CDH13: variants seen among roughly 807,000 people sequenced by gnomAD.
The protein encoded by CDH13 is cadherin-13.
In CDH13, 24 loss-of-function variants were observed where a neutral mutation model predicts 63.8. The ratio of observed to expected loss-of-function variants is 0.38; its 90% confidence interval spans 0.27 to 0.53. CDH13 has a LOEUF of 0.53. CDH13 is among the 20% of genes least tolerant of loss of function. The pLI is 0.85. For synonymous variants in CDH13, 503 were observed against 355.3 expected, an observed-to-expected ratio of 1.42 and a Z score of -4.67; for missense variants, 1,049 against 903.1, an observed-to-expected ratio of 1.16 and a Z score of -2.07.
At chr16:83,787,305 G>GT (rs1379515271) in intron 13 of CDH13, among the ~76,000 whole-genome samples, 1 of 152,142 alleles carries the variant, frequency 6.6e-6, no homozygotes, top group African/African-American at 2.4e-5. Context: ...CATCTTTATT[G>GT]TTTGTTTGTT....
chr16:82,697,893 T>C (rs769854621), intron 1 of CDH13, among the ~76,000 whole-genome samples: 3 of 152,128 alleles, frequency 2.0e-5, no homozygotes, highest in Non-Finnish European at 2.9e-5. Context: ...AACTATACTG[T>C]TTATTGTTGC....
chr16:83,688,725 G>C (rs928876208), intron 10 of CDH13, among the ~76,000 whole-genome samples: 2 of 152,080 alleles, frequency 1.3e-5, no homozygotes, highest in Non-Finnish European at 2.9e-5. Context: ...AATTAAAGCG[G>C]TGTTGTTCCA....
At chr16:82,901,033 C>A (rs1260331653) in intron 2 of CDH13, among the ~76,000 whole-genome samples, 1 of 151,726 alleles carries the variant, frequency 6.6e-6, no homozygotes, top group Non-Finnish European at 1.5e-5. Flanking sequence ...AAGTTAATGC[C>A]CCTCATAAGG....
chr16:83,661,502 C>A (rs1017585504), intron 8 of CDH13, among the ~76,000 whole-genome samples: 1 of 147,966 alleles, frequency 6.8e-6, no homozygotes, highest in Non-Finnish European at 1.5e-5. Context: ...AAAAAAAAAT[C>A]TTGTTCTCAG....
chr16:83,392,977 T>C (rs1047070491), intron 6 of CDH13, among the ~76,000 whole-genome samples: 4 of 151,588 alleles, frequency 2.6e-5, no homozygotes, highest in African/African-American at 9.7e-5. Flanking sequence ...AGGGCATAGA[T>C]GGAGGGTGAT....
At chr16:82,751,400 C>A (rs1440839809) in intron 1 of CDH13, among the ~76,000 whole-genome samples, 2 of 152,134 alleles carry the variant, frequency 1.3e-5, no homozygotes, top group African/African-American at 2.4e-5. Flanking sequence ...AGCCCCACCT[C>A]CTCCTGCCTC....
At chr16:83,208,108 G>T (rs1487351382) in intron 4 of CDH13, among the ~76,000 whole-genome samples, 1 of 152,108 alleles carries the variant, frequency 6.6e-6, no homozygotes, top group Non-Finnish European at 1.5e-5. Flanking sequence ...GACAGCCCTA[G>T]GTGGCGTGAG....
intron 2 of CDH13, among the ~76,000 whole-genome samples, chr16:82,990,893 ATACATATGT>A: frequency 1.3e-5 from 2 of 152,324 alleles, no homozygotes; most frequent in East Asian, 3.9e-4. Flanking sequence ...ACCAAGGCTC[ATACATATGT>A]TGACTCAAGA....
intron 5 of CDH13, among the ~76,000 whole-genome samples, chr16:83,296,859 T>A (rs2089611264): frequency 6.6e-6 from 1 of 152,206 alleles, no homozygotes; most frequent in Non-Finnish European, 1.5e-5. Context: ...GGAGAAAGGG[T>A]GCTCTGTGTT....
chr16:83,322,959 C>T (rs1597743759), intron 5 of CDH13, among the ~76,000 whole-genome samples: 1 of 152,090 alleles, frequency 6.6e-6, no homozygotes, highest in Non-Finnish European at 1.5e-5. Context: ...AACCTGGCAT[C>T]CCCATGGAAC....
At chr16:83,743,168 A>G (rs1412467684) in intron 10 of CDH13, among the ~76,000 whole-genome samples, 2 of 152,198 alleles carry the variant, frequency 1.3e-5, no homozygotes, top group South Asian at 2.1e-4. Context: ...GATCGCTGCC[A>G]CTGCACTCCA....
At chr16:83,057,208 A>G (rs576509372) in intron 3 of CDH13, among the ~76,000 whole-genome samples, 1 of 152,228 alleles carries the variant, frequency 6.6e-6, no homozygotes, top group South Asian at 2.1e-4. Context: ...CTCGTGATCC[A>G]CCTGCCTGGG....
intron 2 of CDH13, among the ~76,000 whole-genome samples, chr16:82,896,276 A>ATTTTTTTT (rs59677448): frequency 0.018 from 1,604 of 87,694 alleles, 211 homozygotes; most frequent in African/African-American, 0.023. Context: ...TAGGATTAGG[A>ATTTTTTTT]TTTTTTTTTT....
chr16:83,072,152 A>G (rs1390649062), intron 3 of CDH13, among the ~76,000 whole-genome samples: 3 of 152,194 alleles, frequency 2.0e-5, no homozygotes, highest in Non-Finnish European at 2.9e-5. Flanking sequence ...GAAATTGTGC[A>G]TGTATTTTAC....
At position 83,125,479 on chromosome 16, in the gene CDH13, C is replaced by T. The variant is rs766166879; in HGVS notation, c.461C>T (p.Pro154Leu). 2 of 1,603,080 alleles carry T rather than the reference C, an allele frequency of 1.2e-6. No individual in the cohort carries two copies. Among genetic ancestry groups the T allele is most frequent in the Non-Finnish European group, 1.7e-6 (2 of 1,170,262 alleles). Residue 154 changes from proline (P) to leucine (L), a missense_variant, in exon 4 of 14, where the codon CCT (proline) becomes CTT (leucine). By Grantham distance (98) the Pro-to-Leu change is moderately conservative. Transcript: ENST00000567109. ...PILIPENQRQ[P>L]FPRDVGKVVD... Reference sequence around the variant, plus strand: ...TTAATTCCAGAGAATCAGAGACAGCCTTTCCCAAGAGATGTTGGCAAGGTA... The same window carrying T: ...TTAATTCCAGAGAATCAGAGACAGCTTTTCCCAAGAGATGTTGGCAAGGTA...
At chr16:82,759,898 C>T (rs909925235) in intron 1 of CDH13, among the ~76,000 whole-genome samples, 3 of 152,030 alleles carry the variant, frequency 2.0e-5, no homozygotes, top group South Asian at 2.1e-4. Context: ...TCTACCAAGC[C>T]CCAATCCACA....
At chr16:82,945,137 C>G (rs1247713133) in intron 2 of CDH13, among the ~76,000 whole-genome samples, 1 of 152,156 alleles carries the variant, frequency 6.6e-6, no homozygotes, top group Non-Finnish European at 1.5e-5. Flanking sequence ...AAAGACATTT[C>G]TCAAGTAGAA....
At chr16:82,677,828 G>T in intron 1 of CDH13, among the ~76,000 whole-genome samples, 1 of 151,536 alleles carries the variant, frequency 6.6e-6, no homozygotes, top group Non-Finnish European at 1.5e-5. Flanking sequence ...GTTTCAGTGG[G>T]TCCTGGTTAA....
At chr16:83,335,665 C>T (rs554616764) in intron 5 of CDH13, among the ~76,000 whole-genome samples, 1 of 152,264 alleles carries the variant, frequency 6.6e-6, no homozygotes, top group East Asian at 1.9e-4. Flanking sequence ...TAAAGATTGA[C>T]CCCTGACCTA....
Sources: allele counts gnomAD v4.1 joint callset (sites outside exome capture counted in the v4.1 genomes callset), GRCh38; gene constraint gnomAD v4.1.1; transcripts MANE v1.5; gene names NCBI Gene and HGNC (gene_info 2026-07-23, HGNC 2026-07-21).